TTN: variants seen among roughly 807,000 people sequenced by gnomAD.
TTN encodes connectin.
TTN carries 1,525 observed loss-of-function variants against 3,223.0 expected under a neutral mutation model. That is an observed-to-expected ratio of 0.47 (90% CI 0.45 to 0.49). The LOEUF is 0.49. TTN is among the 20% of genes least tolerant of loss of function. The pLI is 0.00. For synonymous variants in TTN, 14,094 were observed against 15,161.0 expected (o/e 0.93, Z 5.17); for missense variants, 40,786 against 43,424.0 (o/e 0.94, Z 5.40).
chr2:178,696,371 A>G, intron 113 of TTN, 102 bp from the exon 114 acceptor site: 1 of 995,984 alleles, frequency 1.0e-6, no homozygotes, highest in Non-Finnish European at 1.4e-6. Flanking sequence ...TTTCAGATCT[A>G]TTTTATTGAT....
At chr2:178,695,549 T>C (rs2073536224) in intron 114 of TTN, 139 bp from the exon 115 acceptor site, 1 of 664,764 alleles carries the variant, frequency 1.5e-6, no homozygotes, top group Non-Finnish European at 2.5e-6. Context: ...ACCAACACAA[T>C]TCTTAGTGCT....
At chr2:178,731,651 A>G in intron 58 of TTN, 42 bp downstream of exon 58, 3 of 1,573,412 alleles carry the variant, frequency 1.9e-6, no homozygotes, top group Non-Finnish European at 2.6e-6. Context: ...AAAAGAATTG[A>G]CTCTTCAGAA....
chr2:178,679,539 AGTTAACTATT>A, intron 141 of TTN, 50 bp downstream of exon 141: 1 of 1,588,478 alleles, frequency 6.3e-7, no homozygotes, highest in Non-Finnish European at 8.6e-7. Flanking sequence ...CTCAGAAGAA[AGTTAACTATT>A]TCTAGGCAGA....
Position 178,584,283 on chromosome 2 carries a change from C to T in TTN, c.65268G>A (p.Met21756Ile). ...SKPTEYVTAR[M>I]PVDPPGKPEV... The stretch of plus-strand genomic sequence containing the variant: ...AAAAACCCCAAAACTTACCAACTGG[C>T]ATTCTTGCAGTTACATATTCTGTGG... Residue 21756 changes from methionine (M) to isoleucine (I), a missense_variant, in exon 311 of 363, where the codon ATG (methionine) becomes ATA (isoleucine). By Grantham distance (10) the Met-to-Ile change is conservative. Coordinates refer to ENST00000589042, the MANE Select transcript of TTN (RefSeq NM_001267550.2). The T allele has an allele frequency of 6.4e-7, 1 of 1,553,440 alleles. No homozygotes were observed. The highest frequency in any genetic ancestry group is 8.7e-7 in the Non-Finnish European group (1 of 1,150,428).
chr2:178,617,880 A>G lies in TTN; in HGVS notation c.47471T>C (p.Val15824Ala). The G allele has an allele frequency of 1.9e-6, 3 of 1,612,636 alleles. No homozygotes were observed. Among genetic ancestry groups the G allele is most frequent in the South Asian group, 1.1e-5 (1 of 91,044 alleles). ...EDLSATVTDV[V>A]EGQEYSFRVR... The stretch of plus-strand genomic sequence containing the variant: ...TCGGAAACTGTACTCCTGTCCTTCT[A>G]CCACATCAGTAACAGTTGCAGACAG... The change falls in exon 253 of 363, where the codon GTA (valine) becomes GCA (alanine). Residue 15824 changes from valine (V) to alanine (A), a missense_variant. Coordinates refer to ENST00000589042, the MANE Select transcript of TTN (RefSeq NM_001267550.2).
At chr2:178,695,294 G>A in intron 115 of TTN, 54 bp downstream of exon 115, 2 of 1,416,910 alleles carry the variant, frequency 1.4e-6, no homozygotes, top group Middle Eastern at 1.8e-4. Flanking sequence ...TGCCAAACAA[G>A]CCATGATAAT....
Position 178,592,255 on chromosome 2 carries a change from A to G in TTN, c.59649T>C (p.Asp19883=). Residue 19883 remains aspartate, a synonymous_variant, in exon 302 of 363, where the codon GAT becomes GAC. Coordinates refer to ENST00000589042, the MANE Select transcript of TTN (RefSeq NM_001267550.2). ...CTTTCCTAATTTCACTGACTTCCAG[A>G]TCTCTAGGTGGCCCAGGTTTATCTA... The part of the protein sequence containing the change: ...LVLDKPGPPR[D]LEVSEIRKDS... 1.9e-6 allele frequency: 3 copies of G among 1,611,726 alleles called. No homozygotes were observed. The highest frequency in any genetic ancestry group is 2.5e-6 in the Non-Finnish European group (3 of 1,179,014).
In TTN at chr2:178,573,682, A is replaced by C; in HGVS notation, c.72450T>G (p.Asp24150Glu). The C allele has an allele frequency of 6.6e-7, 1 of 1,519,574 alleles. No individual in the cohort carries two copies. The highest frequency in any genetic ancestry group is 8.8e-7 in the Non-Finnish European group (1 of 1,135,552). 94.1% of individuals were successfully genotyped at this position (1,519,574 alleles called of 1,614,324 possible). A position where few individuals can be genotyped will look rare whatever the true frequency, so the allele number is the denominator to read the frequency against. Residue 24150 changes from aspartate (D) to glutamate (E), a missense_variant, in exon 326 of 363, where the codon GAT (aspartate) becomes GAG (glutamate). Transcript: ENST00000589042. ...TGTAATGATCAATTTTGGCACCTCC[A>C]TCATCCAGTGGAGGGAACCATGATA... is the stretch of plus-strand genomic sequence containing the variant. ...CVLSWFPPLDDGGAKIDHYIV... is the reference protein window; with the variant it reads ...CVLSWFPPLDEGGAKIDHYIV...
chr2:178,601,442 T>G lies in TTN; in HGVS notation c.55555A>C (p.Arg18519=), dbSNP rs879182051. ...DRIKGYVIEK[R]TIDGKAWTKV... ...GTCCAGGCTTTTCCATCAATAGTCC[T>G]CTTCTCAATAACATAGCCTTTGATC... Residue 18519 remains arginine, a synonymous_variant, in exon 287 of 363, where the codon AGG becomes CGG. Coordinates refer to ENST00000589042, the MANE Select transcript of TTN (RefSeq NM_001267550.2). The G allele has an allele frequency of 6.8e-6, 11 of 1,612,970 alleles. No homozygotes were observed. The highest frequency in any genetic ancestry group is 8.5e-6 in the Non-Finnish European group (10 of 1,179,342).
intron 216 of TTN, 70 bp downstream of exon 216, chr2:178,646,415 C>T (rs1300378431): frequency 7.4e-6 from 8 of 1,087,326 alleles, no homozygotes; most frequent in Admixed American, 2.2e-5. Flanking sequence ...ATATGTACAA[C>T]AACATAAACC....
In TTN at chr2:178,565,887, C is replaced by T; in HGVS notation, c.80245G>A (p.Glu26749Lys). 2 of 1,613,678 alleles carry T rather than the reference C, an allele frequency of 1.2e-6. No individual in the cohort carries two copies. The highest frequency in any genetic ancestry group is 1.7e-5 in the Admixed American group (1 of 59,994). The change falls in exon 326 of 363, where the codon GAA (glutamate) becomes AAA (lysine). Residue 26749 changes from glutamate (E) to lysine (K), a missense_variant. By Grantham distance (56) the Glu-to-Lys change is moderately conservative. Coordinates refer to ENST00000589042, the MANE Select transcript of TTN (RefSeq NM_001267550.2). ...ACTCTGAAGTAATAAATGGCTCCTT[C>T]TGTAAGGTTTTCCACTTTAAAACTT... The part of the protein sequence containing the change: ...KTSFKVENLT[E>K]GAIYYFRVMA...
chr2:178,791,663 ATG>A lies in TTN; in HGVS notation c.1662+407_1662+408del, dbSNP rs58282760. Among the ~76,000 whole-genome samples, 302 of 147,300 alleles carry A rather than the reference ATG, an allele frequency of 2.1e-3. 4 individuals carry two copies. Among genetic ancestry groups the A allele is most frequent in the Middle Eastern group, 6.8e-3 (2 of 292 alleles). On this transcript the variant is annotated intron_variant, in intron 10 of 362. Coordinates refer to ENST00000589042, the MANE Select transcript of TTN (RefSeq NM_001267550.2). ...GTGTTTATGGCTGATGTATGTGTAT[ATG>A]TGTGTGTGTGTGTGTGTGTGTGTGC...
Position 178,615,620 on chromosome 2 carries a change from AATC to A in TTN, c.48460+18_48460+20del. The A allele has an allele frequency of 6.2e-7, 1 of 1,611,566 alleles. No homozygotes were observed. ...AAACAGGCAACAAGATTAGGTAAGA[AATC>A]ATCAAGAATGTACTCACTTGCAGGA... On this transcript the variant is annotated intron_variant, in intron 258 of 362. Coordinates refer to ENST00000589042, the MANE Select transcript of TTN (RefSeq NM_001267550.2).
Position 178,613,762 on chromosome 2 carries a change from G to C in TTN, c.49521C>G (p.Asp16507Glu). The C allele has an allele frequency of 6.2e-7, 1 of 1,612,188 alleles. No individual in the cohort carries two copies. The highest frequency in any genetic ancestry group is 8.5e-7 in the Non-Finnish European group (1 of 1,178,868). Residue 16507 changes from aspartate (D) to glutamate (E), a missense_variant, in exon 263 of 363, where the codon GAC becomes GAG. Coordinates refer to ENST00000589042, the MANE Select transcript of TTN (RefSeq NM_001267550.2). ...GATTCTGAGCATACCTGTATGTTGT[G>C]TCCTTTACTGGCATCTTATTGCATC... ...WVRCNKMPVK[D>E]TTYRVKGLTN...
Position 178,599,768 on chromosome 2 carries a change from C to T in TTN, c.56133G>A (p.Val18711=). The T allele has an allele frequency of 6.2e-7, 1 of 1,611,992 alleles. No individual in the cohort carries two copies. The highest frequency in any genetic ancestry group is 1.7e-4 in the Middle Eastern group (1 of 6,046). ...TAAACCAGGTTAGTGTCGGGAATGGCACACCTTTAATTTTGGCCACAATGT... is the reference window on the plus strand; with the variant it reads ...TAAACCAGGTTAGTGTCGGGAATGGTACACCTTTAATTTTGGCCACAATGT... ...NVNIVAKIKG[V]PFPTLTWFKA... Residue 18711 remains valine (V), a synonymous_variant, in exon 289 of 363, where the codon GTG becomes GTA. Coordinates refer to ENST00000589042, the MANE Select transcript of TTN (RefSeq NM_001267550.2).
intron 122 of TTN, 81 bp from the exon 123 acceptor site, chr2:178,689,676 G>T: frequency 6.9e-7 from 1 of 1,452,194 alleles, no homozygotes; most frequent in Non-Finnish European, 9.4e-7. Flanking sequence ...AAGCAGACGG[G>T]TGGACAGACA....
rs2053322078 is a variant in TTN at position 178,601,122 on chromosome 2, G to A, written c.55782C>T (p.Asn18594=). Residue 18594 remains asparagine (N), a synonymous_variant, in exon 288 of 363, where the codon AAC becomes AAT. Transcript: ENST00000589042. The stretch of plus-strand genomic sequence containing the variant: ...GGGGTTTCCATGACAGATGCACTGT[G>A]TTCTTTGTGATGAGGCCAATCTTGA... ...IKLKIGLITK[N]TVHLSWKPPK... is the part of the protein sequence containing the mutation. The A allele has an allele frequency of 3.8e-6, 6 of 1,573,904 alleles. No individual in the cohort carries two copies. Among genetic ancestry groups the A allele is most frequent in the Non-Finnish European group, 5.2e-6 (6 of 1,161,962 alleles).
In TTN at chr2:178,546,693, T is replaced by C. The variant is rs1252165343; in HGVS notation, c.94735A>G (p.Thr31579Ala). 4 of 1,613,802 alleles carry C rather than the reference T, an allele frequency of 2.5e-6. No homozygotes were observed. The South Asian group carries it at 3.3e-5, about 13-fold the overall frequency. The change falls in exon 341 of 363, where the codon ACT (threonine) becomes GCT (alanine). Residue 31579 changes from threonine (T) to alanine (A), a missense_variant. By Grantham distance (58) the Thr-to-Ala change is moderately conservative. Coordinates refer to ENST00000589042, the MANE Select transcript of TTN (RefSeq NM_001267550.2). ...FTVTALSEGD[T>A]YEFRVLAKNA... ...TTGGCTAACACACGGAACTCATAAGTGTCTCCTTCACTGAGAGCAGTCACG... is the reference window on the plus strand; with the variant it reads ...TTGGCTAACACACGGAACTCATAAGCGTCTCCTTCACTGAGAGCAGTCACG...
In TTN at chr2:178,706,711, A is replaced by C. The variant is rs2154292489; in HGVS notation, c.29163T>G (p.Val9721=). 1.2e-6 allele frequency: 2 copies of C among 1,610,180 alleles called. No individual in the cohort carries two copies. Among genetic ancestry groups the C allele is most frequent in the Non-Finnish European group, 1.7e-6 (2 of 1,177,186 alleles). Residue 9721 remains valine (V), a synonymous_variant, in exon 102 of 363, where the codon GTT becomes GTG. Transcript: ENST00000589042. ...TAACATTTGGGATTGGGTCACCTCC[A>C]ACTTTTGCAATGAAGGTCGCAGTGG... ...EKTTATFIAK[V]GGDPIPNVKW... is the part of the protein sequence containing the mutation.
Sources: allele counts gnomAD v4.1 joint callset (sites outside exome capture counted in the v4.1 genomes callset), GRCh38; gene constraint gnomAD v4.1.1; transcripts MANE v1.5; gene names NCBI Gene and HGNC (gene_info 2026-07-23, HGNC 2026-07-21).